The following ERC2 variants were observed in gnomAD, a reference collection of about 807,000 sequenced individuals.
ERC2 encodes ELKS/RAB6-interacting/CAST family member 2, also known as ERC protein 2.
In ERC2, 42 loss-of-function variants were observed where a neutral mutation model predicts 114.8. That is an observed-to-expected ratio of 0.37 (90% CI 0.29 to 0.47). The LOEUF is 0.47. ERC2 is among the 20% of genes least tolerant of loss of function. ERC2 has a pLI of 0.99. For synonymous variants in ERC2, 454 were observed against 425.5 expected (o/e 1.07, Z -0.82); for missense variants, 939 against 1,150.7 (o/e 0.82, Z 2.66).
intron 13 of ERC2, among the ~76,000 whole-genome samples, chr3:55,928,907 C>T (rs576568168): frequency 1.1e-4 from 16 of 152,260 alleles, no homozygotes; most frequent in Admixed American, 2.6e-4. Context: ...TTGTTGAAAA[C>T]GAGTTCACTG....
At chr3:55,588,904 G>A (rs1224521879) in intron 17 of ERC2, among the ~76,000 whole-genome samples, 1 of 152,068 alleles carries the variant, frequency 6.6e-6, no homozygotes, top group Non-Finnish European at 1.5e-5. Context: ...GAGGAAGGCC[G>A]ATAATCATGG....
chr3:55,950,313 G>T, intron 13 of ERC2, 112 bp downstream of exon 13: 3 of 1,371,686 alleles, frequency 2.2e-6, no homozygotes, highest in Non-Finnish European at 3.0e-6. Flanking sequence ...CTAGACTCAG[G>T]GCAAAGGCAA....
intron 6 of ERC2, among the ~76,000 whole-genome samples, chr3:56,101,889 C>A (rs965081913): frequency 6.6e-6 from 1 of 152,188 alleles, no homozygotes; most frequent in African/African-American, 2.4e-5. Flanking sequence ...GGCCTATACA[C>A]AACTCAGCCA....
intron 1 of ERC2, among the ~76,000 whole-genome samples, chr3:56,465,057 A>G (rs1252116221): frequency 6.6e-6 from 1 of 152,196 alleles, no homozygotes; most frequent in South Asian, 2.1e-4. Context: ...AGTTTCACCA[A>G]TGGGAAGAGA....
chr3:56,153,680 G>C (rs2081548389), intron 4 of ERC2, among the ~76,000 whole-genome samples: 1 of 152,160 alleles, frequency 6.6e-6, no homozygotes, highest in South Asian at 2.1e-4. Flanking sequence ...GCAAGAAACA[G>C]ATTTCAATCC....
At chr3:56,112,464 CACAT>C (rs758270058) in intron 6 of ERC2, among the ~76,000 whole-genome samples, 78 of 131,842 alleles carry the variant, frequency 5.9e-4, no homozygotes, top group Middle Eastern at 4.0e-3. Context: ...CACACACACA[CACAT>C]TGGCACACAC....
chr3:55,837,974 A>T (rs1253838993), intron 14 of ERC2, among the ~76,000 whole-genome samples: 1 of 151,992 alleles, frequency 6.6e-6, no homozygotes, highest in Non-Finnish European at 1.5e-5. Context: ...CAGGAATTAA[A>T]AAAAAAGAGT....
intron 13 of ERC2, among the ~76,000 whole-genome samples, chr3:55,944,459 GA>G (rs1277224322): frequency 7.9e-5 from 12 of 152,264 alleles, no homozygotes; most frequent in Admixed American, 6.5e-4. Flanking sequence ...AAATCCACAG[GA>G]AAAAGCAGAA....
At chr3:56,156,828 A>G (rs58266487) in intron 4 of ERC2, among the ~76,000 whole-genome samples, 1 of 152,202 alleles carries the variant, frequency 6.6e-6, no homozygotes, top group African/African-American at 2.4e-5. Flanking sequence ...GAGAGTGAGC[A>G]AAAAACTACT....
chr3:56,130,885 C>A (rs1467629739), intron 6 of ERC2, among the ~76,000 whole-genome samples: 1 of 152,156 alleles, frequency 6.6e-6, no homozygotes, highest in Admixed American at 6.5e-5. Flanking sequence ...GATACAGGGA[C>A]ATTTTCCGCA....
rs543373639 is a variant in ERC2 at position 56,255,306 on chromosome 3, G to A, written c.1074+40713C>T. Among the ~76,000 whole-genome samples, 11 of 152,240 alleles carry A rather than the reference G, an allele frequency of 7.2e-5. No individual in the cohort carries two copies. In the South Asian group the frequency reaches 1.7e-3, roughly 23 times the overall value. On this transcript the variant is annotated intron_variant, in intron 3 of 17. Transcript: ENST00000288221. ...TACTTAAGGCTGTAACCCCCACCAC[G>A]GACTCCAACAAGGTCCACACACTCT... is the stretch of plus-strand genomic sequence containing the variant.
chr3:56,427,260 TTTGG>T (rs113604327), intron 2 of ERC2, among the ~76,000 whole-genome samples: 6 of 140,240 alleles, frequency 4.3e-5, no homozygotes, highest in African/African-American at 1.2e-4. Context: ...GGATTTTTTG[TTTGG>T]TTGGTTGGTT....
chr3:56,087,788 T>C (rs2077581926), intron 6 of ERC2, among the ~76,000 whole-genome samples: 1 of 152,162 alleles, frequency 6.6e-6, no homozygotes, highest in Non-Finnish European at 1.5e-5. Flanking sequence ...GCTTCATTTG[T>C]TTGTTTTTCC....
intron 14 of ERC2, among the ~76,000 whole-genome samples, chr3:55,857,064 T>C (rs1219415798): frequency 1.3e-5 from 2 of 148,676 alleles, no homozygotes; most frequent in African/African-American, 2.5e-5. Context: ...TTTTTGGGGG[T>C]GGGGGTGGTT....
intron 12 of ERC2, among the ~76,000 whole-genome samples, chr3:55,963,619 C>A (rs1283082085): frequency 1.3e-5 from 2 of 152,160 alleles, no homozygotes; most frequent in Non-Finnish European, 2.9e-5. Context: ...AAAATGGAAT[C>A]TGAACACTTT....
intron 4 of ERC2, among the ~76,000 whole-genome samples, chr3:56,163,719 G>A (rs2082175974): frequency 6.6e-6 from 1 of 152,002 alleles, no homozygotes; most frequent in Admixed American, 6.6e-5. Flanking sequence ...TATTTGCACA[G>A]TGGATCTTTC....
intron 14 of ERC2, among the ~76,000 whole-genome samples, chr3:55,830,198 G>C (rs2060507839): frequency 6.6e-6 from 1 of 152,076 alleles, no homozygotes; most frequent in Non-Finnish European, 1.5e-5. Flanking sequence ...TTTAAATCCT[G>C]ACATAAAGAA....
At chr3:56,409,485 G>T (rs960224728) in intron 2 of ERC2, among the ~76,000 whole-genome samples, 1 of 144,038 alleles carries the variant, frequency 6.9e-6, no homozygotes, top group African/African-American at 2.6e-5. Context: ...TTGTTTGTTT[G>T]CATACCAATT....
chr3:55,957,263 AG>A lies in ERC2; in HGVS notation c.2268-6704del, dbSNP rs2068026974. Among the ~76,000 whole-genome samples, 3 of 152,250 alleles carry A rather than the reference AG, an allele frequency of 2.0e-5. No individual in the cohort carries two copies. In the East Asian group the frequency reaches 5.8e-4, roughly 29 times the overall value. ...AAAATGGTTGAATCATATGTGACCA[AG>A]GGGACCAAGAGGCAGTGCAGTAAGA... On this transcript the variant is annotated intron_variant, in intron 12 of 17. Coordinates refer to ENST00000288221, the MANE Select transcript of ERC2 (RefSeq NM_015576.3).
Sources: allele counts gnomAD v4.1 joint callset (sites outside exome capture counted in the v4.1 genomes callset), GRCh38; gene constraint gnomAD v4.1.1; transcripts MANE v1.5; gene names NCBI Gene and HGNC (gene_info 2026-07-23, HGNC 2026-07-21).